The following TEX11 variants were observed in gnomAD, a reference collection of about 807,000 sequenced individuals.
TEX11 encodes the protein testis expressed 11, also known as testis-expressed protein 11.
Under a neutral mutation model 84.4 loss-of-function variants are expected in TEX11, and 7 were observed. That is an observed-to-expected ratio of 0.08 (90% CI 0.05 to 0.16). TEX11 has a LOEUF of 0.16. Among genes scored for constraint, TEX11 ranks in the 10% least tolerant of loss-of-function variants. The pLI, the probability that TEX11 is intolerant of heterozygous loss-of-function variation, is 1.00. For synonymous variants in TEX11, 264 were observed against 222.8 expected (o/e 1.18, Z -1.64); for missense variants, 551 against 660.5 (o/e 0.83, Z 1.82).
In TEX11 at chrX:70,529,608, T is replaced by C. The variant is rs1172032399; in HGVS notation, c.2685+227A>G. Among the ~76,000 whole-genome samples, 3 of 112,144 alleles carry C rather than the reference T, an allele frequency of 2.7e-5. No homozygotes were observed. In the Admixed American group the frequency reaches 2.9e-4, roughly 11 times the overall value. Reference sequence around the variant, plus strand: ...GGCATTCCTCTTAATTAGATTCCATTTGCTATCCTTAAATTTCCCCCTGTT... The same window carrying C: ...GGCATTCCTCTTAATTAGATTCCATCTGCTATCCTTAAATTTCCCCCTGTT... On this transcript the variant is annotated intron_variant, in intron 29 of 29. Coordinates refer to ENST00000374333, the MANE Select transcript of TEX11 (RefSeq NM_031276.3).
At chrX:70,844,146 A>G (rs2147844928) in intron 7 of TEX11, among the ~76,000 whole-genome samples, 1 of 110,418 alleles carries the variant, frequency 9.1e-6, no homozygotes, top group East Asian at 2.9e-4. Context: ...ATGCTGCTAT[A>G]AAGACACATG....
At position 70,722,691 on chromosome X, in the gene TEX11, T is replaced by C. The variant is rs1263202185; in HGVS notation, c.931A>G (p.Met311Val). The change falls in exon 13 of 30, where the codon ATG (methionine) becomes GTG (valine). Residue 311 changes from methionine (M) to valine (V), a missense_variant. Coordinates refer to ENST00000374333, the MANE Select transcript of TEX11 (RefSeq NM_031276.3). Reference protein sequence around the residue: ...TSNEELLEAVMEILHLDMPLD... With the variant: ...TSNEELLEAVVEILHLDMPLD... Reference sequence around the variant, plus strand: ...GGCATGTCAAGATGTAGTATTTCCATGACAGCTAACAAGATGAAAAAATGA... The same window carrying C: ...GGCATGTCAAGATGTAGTATTTCCACGACAGCTAACAAGATGAAAAAATGA... 6 of 1,184,178 alleles carry C rather than the reference T, an allele frequency of 5.1e-6. No individual in the cohort carries two copies. Among genetic ancestry groups the C allele is most frequent in the Non-Finnish European group, 6.9e-6 (6 of 872,904 alleles).
At chrX:70,699,566 T>A (rs2090308976) in intron 13 of TEX11, among the ~76,000 whole-genome samples, 1 of 111,677 alleles carries the variant, frequency 9.0e-6, no homozygotes, top group Non-Finnish European at 1.9e-5. Flanking sequence ...TTTAAAAATA[T>A]GAAGAGAATC....
chrX:70,677,509 C>T (rs1156592596), intron 15 of TEX11, among the ~76,000 whole-genome samples: 1 of 112,225 alleles, frequency 8.9e-6, no homozygotes, highest in East Asian at 2.8e-4. Context: ...GAAGAGGACC[C>T]TCATCTCACT....
intron 2 of TEX11, among the ~76,000 whole-genome samples, chrX:70,892,815 C>A (rs778747162): frequency 9.2e-6 from 1 of 109,064 alleles, no homozygotes; most frequent in South Asian, 4.0e-4. Flanking sequence ...ATCAATCTCA[C>A]GTGCAAAGAC....
At chrX:70,800,553 C>T (rs773673118) in intron 9 of TEX11, among the ~76,000 whole-genome samples, 1 of 111,126 alleles carries the variant, frequency 9.0e-6, no homozygotes, top group Non-Finnish European at 1.9e-5. Flanking sequence ...ACAATATTAA[C>T]TTGGGCAATA....
the TEX11 span, among the ~76,000 whole-genome samples, chrX:70,518,860 C>G: frequency 8.9e-6 from 1 of 111,995 alleles, no homozygotes; most frequent in Non-Finnish European, 1.9e-5. Context: ...GATCCCTTTA[C>G]CATTATGTAA....
intron 28 of TEX11, among the ~76,000 whole-genome samples, chrX:70,547,703 T>A (rs997161516): frequency 9.0e-6 from 1 of 111,611 alleles, no homozygotes; most frequent in African/African-American, 3.3e-5. Context: ...GAAATGCAAA[T>A]CAAAACCACA....
At chrX:70,792,150 G>T (rs2091122493) in intron 9 of TEX11, among the ~76,000 whole-genome samples, 1 of 96,077 alleles carries the variant, frequency 1.0e-5, no homozygotes, top group African/African-American at 3.8e-5. Context: ...AATTAGCCAG[G>T]CATGGTACAC....
intron 2 of TEX11, among the ~76,000 whole-genome samples, chrX:70,887,242 A>G (rs1397989292): frequency 1.8e-5 from 2 of 111,825 alleles, no homozygotes; most frequent in African/African-American, 3.2e-5. Context: ...CACCTTGGCC[A>G]CAGTAGGGAA....
chrX:70,782,996 A>C (rs1182751485), intron 9 of TEX11, among the ~76,000 whole-genome samples: 2 of 111,494 alleles, frequency 1.8e-5, no homozygotes. Flanking sequence ...AGACACCTAC[A>C]GAACTCTCCA....
Position 70,799,767 on chromosome X carries a change from T to C in TEX11, c.692+6938A>G, listed in dbSNP as rs756087469. On this transcript the variant is annotated intron_variant, in intron 9 of 29. Coordinates refer to ENST00000374333, the MANE Select transcript of TEX11 (RefSeq NM_031276.3). The stretch of plus-strand genomic sequence containing the variant: ...ATTTCCAATGAAAGCTCTGCTCTTA[T>C]CTGCCGCTGATCTGGGCACAATGGT... 4.4e-5 allele frequency among the ~76,000 whole-genome samples: 5 copies of C among 112,391 alleles called. No individual in the cohort carries two copies. In the Admixed American group the frequency reaches 4.7e-4, roughly 11 times the overall value.
chrX:70,552,371 G>C, intron 27 of TEX11, 125 bp from the exon 28 acceptor site: 2 of 838,674 alleles, frequency 2.4e-6, no homozygotes, highest in South Asian at 6.9e-5. Context: ...TCTTCCCTCG[G>C]TTTTATCTGG....
intron 25 of TEX11, among the ~76,000 whole-genome samples, chrX:70,562,329 G>A (rs946295623): frequency 5.5e-5 from 6 of 110,006 alleles, no homozygotes; most frequent in Non-Finnish European, 7.6e-5. Context: ...ATTTTTTCCC[G>A]TAAGCCCTGT....
chrX:70,735,057 AT>A (rs988162707), intron 11 of TEX11, among the ~76,000 whole-genome samples: 37 of 106,509 alleles, frequency 3.5e-4, no homozygotes, highest in South Asian at 7.8e-4. Flanking sequence ...AAAAAATATG[AT>A]TTTTTTTTTT....
intron 13 of TEX11, among the ~76,000 whole-genome samples, chrX:70,713,990 T>C (rs1188561176): frequency 5.4e-5 from 6 of 110,998 alleles, no homozygotes; most frequent in African/African-American, 9.9e-5. Context: ...TGGTATGTTG[T>C]GTCTTTGTTC....
chrX:70,787,029 G>T (rs942293102), intron 9 of TEX11, among the ~76,000 whole-genome samples: 2 of 111,267 alleles, frequency 1.8e-5, no homozygotes, highest in Non-Finnish European at 3.8e-5. Flanking sequence ...AGCCACTCGG[G>T]AGGCTGAGGC....
intron 9 of TEX11, among the ~76,000 whole-genome samples, chrX:70,772,523 C>T (rs1440091204): frequency 9.0e-6 from 1 of 110,960 alleles, no homozygotes; most frequent in East Asian, 2.8e-4. Flanking sequence ...TGCAGTGAGT[C>T]GTGATCACAA....
In TEX11 at chrX:70,793,737, G is replaced by A. The variant is rs1053677246; in HGVS notation, c.692+12968C>T. On this transcript the variant is annotated intron_variant, in intron 9 of 29. Transcript: ENST00000374333. ...ATAGCAAACAAGAATGGCCTAATACGTACTATATATCCTAGCCAGACCGAT... is the reference window on the plus strand; with the variant it reads ...ATAGCAAACAAGAATGGCCTAATACATACTATATATCCTAGCCAGACCGAT... 3.0e-4 allele frequency among the ~76,000 whole-genome samples: 33 copies of A among 110,786 alleles called. 1 individual carries two copies. The Admixed American group carries it at 3.1e-3, about 10-fold the overall frequency.
Sources: gnomAD v4.1 joint callset for allele counts (sites outside exome capture counted in the v4.1 genomes callset) on GRCh38, gnomAD v4.1.1 for gene constraint, MANE v1.5 for transcripts, NCBI Gene and HGNC (gene_info 2026-07-23, HGNC 2026-07-21) for gene names.